The following PTPRD variants were observed in gnomAD, a reference collection of about 807,000 sequenced individuals.
PTPRD encodes protein tyrosine phosphatase receptor type D.
In PTPRD, 34 loss-of-function variants were observed where a neutral mutation model predicts 214.5. The ratio of observed to expected loss-of-function variants is 0.16; its 90% CI spans 0.12 to 0.21. The LOEUF is 0.21. PTPRD is among the 10% of genes least tolerant of loss of function. PTPRD has a pLI of 1.00. For missense variants in PTPRD, 2,545 were observed against 2,398.7 expected, an observed-to-expected ratio of 1.06 and a Z score of -1.27; for synonymous variants, 1,128 against 845.7, an observed-to-expected ratio of 1.33 and a Z score of -5.79.
At chr9:9,087,568 A>C (rs2099768983) in intron 10 of PTPRD, among the ~76,000 whole-genome samples, 1 of 152,150 alleles carries the variant, frequency 6.6e-6, no homozygotes, top group Admixed American at 6.5e-5. Flanking sequence ...GATTTCAAGG[A>C]AAATACAGAG....
chr9:9,345,358 G>C (rs1182598996), intron 9 of PTPRD, among the ~76,000 whole-genome samples: 1 of 152,028 alleles, frequency 6.6e-6, no homozygotes, highest in East Asian at 1.9e-4. Context: ...TTTTGTTAAA[G>C]TAGGTTTTTT....
At chr9:8,406,889 T>G (rs1424991129) in intron 35 of PTPRD, among the ~76,000 whole-genome samples, 3 of 152,228 alleles carry the variant, frequency 2.0e-5, no homozygotes, top group Non-Finnish European at 4.4e-5. Flanking sequence ...ACACATCATT[T>G]AAACATCCCA....
chr9:8,742,884 C>G (rs1197529842), intron 11 of PTPRD, among the ~76,000 whole-genome samples: 1 of 152,140 alleles, frequency 6.6e-6, no homozygotes, highest in African/African-American at 2.4e-5. Flanking sequence ...TGCCCTCTCC[C>G]TCAGGGAATG....
At chr9:9,177,760 T>C (rs1392248960) in intron 10 of PTPRD, among the ~76,000 whole-genome samples, 1 of 152,148 alleles carries the variant, frequency 6.6e-6, no homozygotes, top group Non-Finnish European at 1.5e-5. Context: ...GAGGCCGCTA[T>C]TTATAGTAGT....
At chr9:10,408,078 T>C (rs1478194499) in intron 2 of PTPRD, among the ~76,000 whole-genome samples, 16 of 151,548 alleles carry the variant, frequency 1.1e-4, no homozygotes, top group African/African-American at 3.6e-4. Context: ...TTTACTATGG[T>C]GATGAACCCC....
chr9:9,057,754 C>G (rs565239074), intron 10 of PTPRD, among the ~76,000 whole-genome samples: 37 of 152,244 alleles, frequency 2.4e-4, no homozygotes, highest in African/African-American at 8.9e-4. Flanking sequence ...TCTTGGTTAT[C>G]TATGAGCTTT....
At chr9:8,771,515 G>T (rs750197221) in intron 11 of PTPRD, among the ~76,000 whole-genome samples, 1 of 152,010 alleles carries the variant, frequency 6.6e-6, no homozygotes, top group South Asian at 2.1e-4. Flanking sequence ...AGTGACACAC[G>T]GACTTTAAAT....
intron 3 of PTPRD, among the ~76,000 whole-genome samples, chr9:10,199,897 T>TCGCG (rs538655918): frequency 2.2e-3 from 287 of 129,484 alleles, no homozygotes; most frequent in African/African-American, 9.4e-3. Flanking sequence ...ACATGGGCAC[T>TCGCG]CGCGCGCACA....
At chr9:10,412,633 AAC>A (rs150312961) in intron 2 of PTPRD, among the ~76,000 whole-genome samples, 16,862 of 147,696 alleles carry the variant, frequency 0.11, 1,072 homozygotes, top group Admixed American at 0.22. Flanking sequence ...CACACACACA[AAC>A]ACACACACAC....
chr9:9,040,799 A>C (rs1267466628), intron 10 of PTPRD, among the ~76,000 whole-genome samples: 2 of 152,170 alleles, frequency 1.3e-5, no homozygotes, highest in Admixed American at 1.3e-4. Context: ...CACAAAATAG[A>C]TTGTAGACTT....
At chr9:8,711,694 T>G (rs1428387576) in intron 12 of PTPRD, among the ~76,000 whole-genome samples, 2 of 151,966 alleles carry the variant, frequency 1.3e-5, no homozygotes, top group Non-Finnish European at 2.9e-5. Flanking sequence ...GGTTGGGAGG[T>G]GGGCCCAGGT....
intron 12 of PTPRD, among the ~76,000 whole-genome samples, chr9:8,702,032 C>A (rs1201144822): frequency 6.6e-6 from 1 of 152,126 alleles, no homozygotes; most frequent in East Asian, 1.9e-4. Flanking sequence ...AAGGCCTTGG[C>A]AGACCACTTT....
chr9:9,044,177 A>C (rs918849750), intron 10 of PTPRD, among the ~76,000 whole-genome samples: 1 of 152,224 alleles, frequency 6.6e-6, no homozygotes, highest in Non-Finnish European at 1.5e-5. Context: ...ATTCAGATGG[A>C]AAATAAAATT....
At chr9:9,389,748 C>T (rs780190784) in intron 9 of PTPRD, among the ~76,000 whole-genome samples, 9 of 152,098 alleles carry the variant, frequency 5.9e-5, no homozygotes, top group Non-Finnish European at 1.2e-4. Context: ...CTAGAATATT[C>T]ATTTACTTGT....
At position 8,447,328 on chromosome 9, in the gene PTPRD, C is replaced by T. The variant is rs564378349; in HGVS notation, c.3988+2397G>A. Among the ~76,000 whole-genome samples, 6 of 152,296 alleles carry T rather than the reference C, an allele frequency of 3.9e-5. No individual in the cohort carries two copies. The East Asian group carries it at 9.6e-4, about 24-fold the overall frequency. On this transcript the variant is annotated intron_variant, in intron 34 of 45. Transcript: ENST00000381196. The stretch of plus-strand genomic sequence containing the variant: ...TAGTTAAATGACACCTTCCTTTATA[C>T]TCAGGTCCCCATTTTAATTTTGTAA...
intron 45 of PTPRD, 25 bp downstream of exon 45, chr9:8,319,806 C>A: frequency 6.2e-7 from 1 of 1,610,744 alleles, no homozygotes. Flanking sequence ...TCTTGAGATG[C>A]GAAAAATGCA....
chr9:8,518,073 C>T lies in PTPRD; in HGVS notation c.1318G>A (p.Glu440Lys), dbSNP rs1480778931. The T allele has an allele frequency of 6.2e-7, 1 of 1,614,050 alleles. No homozygotes were observed. Among genetic ancestry groups the T allele is most frequent in the Non-Finnish European group, 8.5e-7 (1 of 1,180,036 alleles). Residue 440 changes from glutamate (E) to lysine (K), a missense_variant, in exon 21 of 46, where the codon GAA becomes AAA. Coordinates refer to ENST00000381196, the MANE Select transcript of PTPRD (RefSeq NM_002839.4). Reference protein sequence around the residue: ...SSTTILVQWKEPEEPNGQIQG... With the variant: ...SSTTILVQWKKPEEPNGQIQG... ...ATCTGTCCATTTGGCTCTTCAGGTT[C>T]CTTCCACTGTACCAAAATGGTGGTC...
chr9:8,341,409 G>A (rs1257834758), intron 40 of PTPRD, 141 bp from the exon 41 acceptor site: 7 of 925,516 alleles, frequency 7.6e-6, no homozygotes, highest in Non-Finnish European at 1.1e-5. Context: ...AAATTGTACT[G>A]CTTTTCACAT....
chr9:9,137,538 T>A (rs1025993576), intron 10 of PTPRD, among the ~76,000 whole-genome samples: 1 of 152,154 alleles, frequency 6.6e-6, no homozygotes, highest in Non-Finnish European at 1.5e-5. Flanking sequence ...AAAATTATTA[T>A]TTAACTCTCC....
Sources: allele counts gnomAD v4.1 joint callset (sites outside exome capture counted in the v4.1 genomes callset), GRCh38; gene constraint gnomAD v4.1.1; transcripts MANE v1.5; gene names NCBI Gene and HGNC (gene_info 2026-07-23, HGNC 2026-07-21).